The following TAF4B variants were observed in gnomAD, a reference collection of about 807,000 sequenced individuals.
The protein encoded by TAF4B is TATA-box binding protein associated factor 4b.
A neutral mutation model predicts 86.4 loss-of-function variants in TAF4B; 38 were observed. That is an observed-to-expected ratio of 0.44 (90% confidence interval 0.34 to 0.58). TAF4B has a LOEUF of 0.58. Ranked by LOEUF, TAF4B falls within the 20% of genes least tolerant of loss-of-function variation. TAF4B has a pLI of 0.02. For missense variants in TAF4B, 988 were observed against 1,027.6 expected (o/e 0.96, Z 0.53); for synonymous variants, 388 against 391.2 (o/e 0.99, Z 0.10).
intron 14 of TAF4B, among the ~76,000 whole-genome samples, chr18:26,376,586 T>G (rs2144364167): frequency 6.6e-6 from 1 of 152,172 alleles, no homozygotes; most frequent in Non-Finnish European, 1.5e-5. Context: ...TTTGTGAGTT[T>G]CTTGGGATTT....
chr18:26,332,069 C>T (rs778042438), intron 12 of TAF4B, among the ~76,000 whole-genome samples: 6 of 152,190 alleles, frequency 3.9e-5, no homozygotes, highest in Non-Finnish European at 8.8e-5. Context: ...TCTAACTAGG[C>T]ATCTTGAACT....
rs192412877 is a variant in TAF4B, at chr18:26,332,599, G to A, written c.2260-2576G>A. Among the ~76,000 whole-genome samples, 467 of 151,812 alleles carry A rather than the reference G, an allele frequency of 3.1e-3. 5 individuals carry two copies. The highest frequency in any genetic ancestry group is 3.2e-3 in the Non-Finnish European group (218 of 67,868). On this transcript the variant is annotated intron_variant, in intron 12 of 14. Coordinates refer to ENST00000269142, the MANE Select transcript of TAF4B (RefSeq NM_005640.3). The stretch of plus-strand genomic sequence containing the variant: ...GGCTGGAGTGCAATGGGGTGGTCTC[G>A]GCTCACTGCAACTTCCGCCTCCCAA...
chr18:26,317,922 C>T (rs1010521020), intron 10 of TAF4B, among the ~76,000 whole-genome samples: 12 of 152,186 alleles, frequency 7.9e-5, no homozygotes, highest in African/African-American at 2.2e-4. Flanking sequence ...ACTGTATCCC[C>T]GTAAAACTTC....
chr18:26,327,354 A>G (rs1292861605), intron 12 of TAF4B, among the ~76,000 whole-genome samples: 1 of 152,136 alleles, frequency 6.6e-6, no homozygotes, highest in Non-Finnish European at 1.5e-5. Context: ...GTCTTCTCAC[A>G]TTTCCTGTGT....
chr18:26,363,460 A>G (rs1297442616), intron 14 of TAF4B, among the ~76,000 whole-genome samples: 3 of 149,598 alleles, frequency 2.0e-5, no homozygotes, highest in African/African-American at 7.4e-5. Flanking sequence ...GAGGGAGGAT[A>G]GCTTGGCCCA....
intron 1 of TAF4B, among the ~76,000 whole-genome samples, chr18:26,252,068 G>A (rs1157990905): frequency 1.3e-5 from 2 of 152,132 alleles, no homozygotes; most frequent in African/African-American, 2.4e-5. Context: ...ATCCAGTGAG[G>A]TGGGTCTGAG....
At chr18:26,364,829 T>C (rs904706331) in intron 14 of TAF4B, among the ~76,000 whole-genome samples, 5 of 152,142 alleles carry the variant, frequency 3.3e-5, no homozygotes, top group African/African-American at 1.2e-4. Flanking sequence ...GATTTCATAA[T>C]GCTGATATTT....
rs897394951 is a variant in TAF4B, at chr18:26,293,034, T to C, written c.1727-392T>C. Among the ~76,000 whole-genome samples the C allele has an allele frequency of 3.9e-5, 6 of 152,208 alleles. No individual in the cohort carries two copies. In the South Asian group the frequency reaches 1.0e-3, roughly 26 times the overall value. On this transcript the variant is annotated intron_variant, in intron 8 of 14. Coordinates refer to ENST00000269142, the MANE Select transcript of TAF4B (RefSeq NM_005640.3). ...ATGTACACACTTGTATGCATGTACA[T>C]GCATGCATATGTATGGAAATCAGTC...
chr18:26,318,223 CAG>C, intron 10 of TAF4B, among the ~76,000 whole-genome samples: 1 of 152,126 alleles, frequency 6.6e-6, no homozygotes, highest in South Asian at 2.1e-4. Flanking sequence ...TCTGTAGAGA[CAG>C]GGTCTCACTA....
chr18:26,256,842 G>C (rs192965010), intron 1 of TAF4B, among the ~76,000 whole-genome samples: 123 of 131,874 alleles, frequency 9.3e-4, no homozygotes, highest in African/African-American at 3.3e-3. Flanking sequence ...TTCTGTCACT[G>C]TTTTCTAATT....
At chr18:26,291,836 G>A (rs919576600) in intron 7 of TAF4B, among the ~76,000 whole-genome samples, 5 of 152,212 alleles carry the variant, frequency 3.3e-5, no homozygotes, top group Non-Finnish European at 5.9e-5. Context: ...AATTGAGGGC[G>A]GCAGGGAAGT....
Position 26,272,368 on chromosome 18 carries a change from A to G in TAF4B, c.598-2295A>G, listed in dbSNP as rs189605229. ...TCACTTGCCTCCTCTGTGTGTCTCT[A>G]TTCCTGACAGGCCACAGACCTATAC... On this transcript the variant is annotated intron_variant, in intron 3 of 14. Transcript: ENST00000269142. Among the ~76,000 whole-genome samples the G allele has an allele frequency of 5.5e-3, 840 of 152,226 alleles. 2 individuals are homozygous for G. The highest frequency in any genetic ancestry group is 8.5e-3 in the Non-Finnish European group (581 of 68,006).
chr18:26,379,931 A>G (rs993259955), intron 14 of TAF4B, among the ~76,000 whole-genome samples: 1 of 152,124 alleles, frequency 6.6e-6, no homozygotes, highest in Non-Finnish European at 1.5e-5. Context: ...TGAAAGTAGT[A>G]TTTTAAAATT....
rs1437119024 is a variant in TAF4B, at chr18:26,285,926, C to T, written c.1017C>T (p.Ser339=). 1.2e-6 allele frequency: 2 copies of T among 1,613,756 alleles called. No individual in the cohort carries two copies. Among genetic ancestry groups the T allele is most frequent in the East Asian group, 2.2e-5 (1 of 44,896 alleles). The change falls in exon 7 of 15, where the codon AGC becomes AGT. Residue 339 remains serine (S), a synonymous_variant. Transcript: ENST00000269142. ...GACAACTTCTGCCTAACTCCCAGAG[C>T]TTCATCCAGCAATGTGTTCAGCAGA... ...ALRQLLPNSQ[S]FIQQCVQQTS...
At position 26,286,093 on chromosome 18, in the gene TAF4B, C is replaced by CT; in HGVS notation, c.1187dup (p.Leu396PhefsTer58). The CT allele has an allele frequency of 6.2e-7, 1 of 1,614,216 alleles. No individual in the cohort carries two copies. The highest frequency in any genetic ancestry group is 8.5e-7 in the Non-Finnish European group (1 of 1,180,026). On this transcript the variant is annotated frameshift_variant, in exon 7 of 15. Coordinates refer to ENST00000269142, the MANE Select transcript of TAF4B (RefSeq NM_005640.3). LOFTEE classifies it high-confidence loss of function. ...GCACCCAGAACTGTGTCAGTGCAAA[C>CT]TTTGAACCCACTTGCTGGTCCAGTG...
chr18:26,307,688 T>C (rs2056808825), intron 9 of TAF4B, among the ~76,000 whole-genome samples: 1 of 152,222 alleles, frequency 6.6e-6, no homozygotes, highest in Non-Finnish European at 1.5e-5. Flanking sequence ...CCAGATTATG[T>C]GCTGTTTGCA....
intron 14 of TAF4B, among the ~76,000 whole-genome samples, chr18:26,358,676 C>G (rs1315760445): frequency 1.3e-5 from 2 of 152,150 alleles, no homozygotes; most frequent in African/African-American, 4.8e-5. Flanking sequence ...CGCCACTGCA[C>G]TCCAGCCTGG....
Position 26,285,993 on chromosome 18 carries a change from A to G in TAF4B, c.1084A>G (p.Thr362Ala). ...MVIATCTTTVTTSPVVTTTVS... is the reference protein window; with the variant it reads ...MVIATCTTTVATSPVVTTTVS... ...CATTGCTACCTGTACTACAACAGTA[A>G]CAACTTCTCCTGTGGTGACAACTAC... The change falls in exon 7 of 15, where the codon ACA (threonine) becomes GCA (alanine). Residue 362 changes from threonine (T) to alanine (A), a missense_variant. Transcript: ENST00000269142. The G allele has an allele frequency of 6.2e-7, 1 of 1,614,214 alleles. No homozygotes were observed.
chr18:26,300,572 A>G (rs983302929), intron 9 of TAF4B, among the ~76,000 whole-genome samples: 1 of 148,616 alleles, frequency 6.7e-6, no homozygotes, highest in Admixed American at 6.8e-5. Flanking sequence ...TTTGTTTTCT[A>G]ATACAGTTTT....
Sources: gnomAD v4.1 joint callset for allele counts (sites outside exome capture counted in the v4.1 genomes callset) on GRCh38, gnomAD v4.1.1 for gene constraint, MANE v1.5 for transcripts, NCBI Gene and HGNC (gene_info 2026-07-23, HGNC 2026-07-21) for gene names.